The following TOGARAM2 variants were observed in gnomAD, a reference collection of about 807,000 sequenced individuals.
TOGARAM2 encodes the protein TOG array regulator of axonemal microtubules 2.
A neutral mutation model predicts 93.3 loss-of-function variants in TOGARAM2; 85 were observed. The ratio of observed to expected loss-of-function variants is 0.91; its 90% CI spans 0.76 to 1.09. The LOEUF (loss-of-function observed/expected upper bound fraction) is 1.09, where lower values mean the gene tolerates loss of function less well. Among genes scored for constraint, TOGARAM2 ranks in the 50% least tolerant of loss-of-function variants. TOGARAM2 has a pLI of 0.00. For synonymous variants in TOGARAM2, 593 were observed against 552.8 expected (o/e 1.07, Z -1.02); for missense variants, 1,277 against 1,334.5 (o/e 0.96, Z 0.67).
At chr2:28,976,237 G>A (rs886444580) in intron 1 of TOGARAM2, among the ~76,000 whole-genome samples, 3 of 152,174 alleles carry the variant, frequency 2.0e-5, no homozygotes, top group Admixed American at 6.6e-5. Context: ...CGGACGTGGT[G>A]GCGGGTGCCT....
chr2:29,029,971 C>G (rs1298685346), intron 14 of TOGARAM2, among the ~76,000 whole-genome samples: 1 of 152,084 alleles, frequency 6.6e-6, no homozygotes, highest in Non-Finnish European at 1.5e-5. Flanking sequence ...AAAACAAAAA[C>G]AGGCAAACAA....
chr2:28,992,809 C>T (rs961493148), intron 1 of TOGARAM2, among the ~76,000 whole-genome samples: 4 of 152,156 alleles, frequency 2.6e-5, no homozygotes, highest in Non-Finnish European at 2.9e-5. Context: ...CCTGTAATCC[C>T]AGCACTTTGG....
intron 13 of TOGARAM2, among the ~76,000 whole-genome samples, chr2:29,024,860 G>T (rs1572737087): frequency 6.6e-6 from 1 of 152,194 alleles, no homozygotes; most frequent in African/African-American, 2.4e-5. Flanking sequence ...GGGCCAGTGA[G>T]AAGAGAAAGT....
chr2:29,005,108 C>T (rs972821422), intron 6 of TOGARAM2, among the ~76,000 whole-genome samples: 7 of 127,020 alleles, frequency 5.5e-5, no homozygotes, highest in Non-Finnish European at 8.0e-5. Flanking sequence ...GTTGTGAGTG[C>T]ATGTGTATGG....
chr2:29,051,357 G>C (rs1163047321), intron 19 of TOGARAM2: 2 of 160,578 alleles, frequency 1.2e-5, no homozygotes, highest in African/African-American at 4.8e-5. Flanking sequence ...AGGTCGGGTG[G>C]CTTCCTCATG....
At chr2:29,024,103 T>C (rs1572734177) in intron 12 of TOGARAM2, 36 bp from the exon 13 acceptor site, 1 of 1,537,626 alleles carries the variant, frequency 6.5e-7, no homozygotes, top group Middle Eastern at 1.7e-4. Context: ...CTTGGCAGGG[T>C]CCAGCACCCT....
intron 13 of TOGARAM2, among the ~76,000 whole-genome samples, 160 bp downstream of exon 13, chr2:29,024,534 G>A (rs1665208158): frequency 1.3e-5 from 2 of 152,160 alleles, no homozygotes; most frequent in South Asian, 4.1e-4. Context: ...TAGAGGACAG[G>A]GTGATGGGTC....
chr2:29,030,000 G>T (rs1665667827), intron 14 of TOGARAM2, among the ~76,000 whole-genome samples: 1 of 152,218 alleles, frequency 6.6e-6, no homozygotes, highest in Non-Finnish European at 1.5e-5. Flanking sequence ...CTGGCTGGGT[G>T]CAGTGGCTCA....
chr2:28,989,193 A>C (rs1045217908), intron 1 of TOGARAM2, among the ~76,000 whole-genome samples: 1 of 151,044 alleles, frequency 6.6e-6, no homozygotes, highest in Non-Finnish European at 1.5e-5. Context: ...AGGATTAAAG[A>C]CTTGTGCTAC....
chr2:28,999,163 C>T lies in TOGARAM2; in HGVS notation c.140-18C>T. 3 of 1,593,576 alleles carry T rather than the reference C, an allele frequency of 1.9e-6. No individual in the cohort carries two copies. The highest frequency in any genetic ancestry group is 2.6e-6 in the Non-Finnish European group (3 of 1,168,498). ...TGGGTACTGCGTGCCAAGCCATTCA[C>T]ACCTCTGTCCCCCTCAGGTTCTCTC... is the stretch of plus-strand genomic sequence containing the variant. On this transcript the variant is annotated intron_variant, in intron 3 of 19. Coordinates refer to ENST00000379558, the MANE Select transcript of TOGARAM2 (RefSeq NM_199280.4).
intron 18 of TOGARAM2, among the ~76,000 whole-genome samples, chr2:29,039,621 C>A (rs1339179131): frequency 6.6e-6 from 1 of 152,128 alleles, no homozygotes; most frequent in East Asian, 1.9e-4. Context: ...GATTTCTGCC[C>A]ATGTCCTTTT....
chr2:29,040,144 A>G (rs1025161833), intron 18 of TOGARAM2, among the ~76,000 whole-genome samples: 1 of 152,220 alleles, frequency 6.6e-6, no homozygotes, highest in Admixed American at 6.5e-5. Flanking sequence ...AACTGCTTAA[A>G]AATATCTCTT....
intron 18 of TOGARAM2, among the ~76,000 whole-genome samples, chr2:29,043,168 C>T (rs1190920098): frequency 6.6e-6 from 1 of 152,206 alleles, no homozygotes; most frequent in Non-Finnish European, 1.5e-5. Context: ...TTTACCAATG[C>T]ACCCCGAGAC....
chr2:28,976,170 A>G (rs1672028308), intron 1 of TOGARAM2, among the ~76,000 whole-genome samples: 1 of 152,188 alleles, frequency 6.6e-6, no homozygotes, highest in South Asian at 2.1e-4. Context: ...GGAGATCGAG[A>G]CCATCCTGGC....
chr2:29,024,422 A>G, intron 13 of TOGARAM2, 48 bp downstream of exon 13: 1 of 1,284,064 alleles, frequency 7.8e-7, no homozygotes, highest in Non-Finnish European at 1.0e-6. Flanking sequence ...AGGGAAGGTA[A>G]GGCAAGGGGA....
intron 1 of TOGARAM2, among the ~76,000 whole-genome samples, chr2:28,986,283 C>T (rs767541831): frequency 5.9e-5 from 9 of 152,052 alleles, no homozygotes; most frequent in Non-Finnish European, 1.2e-4. Flanking sequence ...TTTCCTATGT[C>T]TTTTAGACTG....
chr2:28,987,738 G>A (rs1287328858), intron 1 of TOGARAM2, among the ~76,000 whole-genome samples: 1 of 152,244 alleles, frequency 6.6e-6, no homozygotes, highest in African/African-American at 2.4e-5. Flanking sequence ...AGTGGCTACA[G>A]GAGTATTAAC....
intron 10 of TOGARAM2, among the ~76,000 whole-genome samples, chr2:29,020,469 G>T (rs28393144): frequency 0.32 from 49,364 of 152,032 alleles, 8,463 homozygotes; most frequent in East Asian, 0.69. Context: ...TCTGTTGTGT[G>T]TGTGAAAAAT....
At chr2:29,013,493 G>A (rs1664374539) in intron 7 of TOGARAM2, among the ~76,000 whole-genome samples, 1 of 152,208 alleles carries the variant, frequency 6.6e-6, no homozygotes, top group Non-Finnish European at 1.5e-5. Context: ...TCAAACCAGG[G>A]ACGCCAACAG....
Sources: allele counts gnomAD v4.1 joint callset (sites outside exome capture counted in the v4.1 genomes callset), GRCh38; gene constraint gnomAD v4.1.1; transcripts MANE v1.5; gene names NCBI Gene and HGNC (gene_info 2026-07-23, HGNC 2026-07-21).